Variants in C22orf23 observed in about 807,000 individuals in gnomAD.
C22orf23 encodes chromosome 22 open reading frame 23.
In C22orf23, 30 loss-of-function variants were observed where a neutral mutation model predicts 29.7. The observed-to-expected ratio is 1.01, with a 90% confidence interval of 0.76 to 1.37. The LOEUF (loss-of-function observed/expected upper bound fraction) is 1.37, where lower values mean the gene tolerates loss of function less well. C22orf23 is among the 40% of genes most tolerant of loss of function. The pLI is 0.00. For missense variants in C22orf23, 237 were observed against 273.1 expected (o/e 0.87, Z 0.93); for synonymous variants, 90 against 96.1 (o/e 0.94, Z 0.37).
chr22:37,944,822 C>A, intron 5 of C22orf23: 2 of 588,080 alleles, frequency 3.4e-6, no homozygotes, highest in Non-Finnish European at 5.8e-6. Flanking sequence ...ATTGCTTGAA[C>A]CTGGGAAGTG....
In C22orf23 at chr22:37,951,797, C is replaced by CTTTTTTTTTTTTTTTTTTT. The variant is rs551481283; in HGVS notation, c.104-294_104-276dup. 7.7e-5 allele frequency: 3 copies of CTTTTTTTTTTTTTTTTTTT among 38,748 alleles called. 1 individual carries two copies. Among genetic ancestry groups the CTTTTTTTTTTTTTTTTTTT allele is most frequent in the South Asian group, 2.4e-3 (2 of 842 alleles). 2.4% of individuals were successfully genotyped at this position (38,748 alleles called of 1,614,324 possible). A position where few individuals can be genotyped will look rare whatever the true frequency, so the allele number is the denominator to read the frequency against. ...CTGTTAAATATTTTTTCCTCTTTCT[C>CTTTTTTTTTTTTTTTTTTT]TTTTTTTTTTTTTTTTTTTTTTTTT... On this transcript the variant is annotated intron_variant, in intron 2 of 6. Coordinates refer to ENST00000403305, the MANE Select transcript of C22orf23 (RefSeq NM_032561.5).
In C22orf23 at chr22:37,944,109, C is replaced by T. The variant is rs532715503; in HGVS notation, c.*66G>A. On this transcript the variant is annotated 3_prime_UTR_variant, in exon 7 of 7. Coordinates refer to ENST00000403305, the MANE Select transcript of C22orf23 (RefSeq NM_032561.5). ...AGGATGGGCTGGCCTGAGGATGGCC[C>T]TGCCTGGCAGAGGAGTGGACTCCAG... The T allele has an allele frequency of 6.8e-7, 1 of 1,477,796 alleles. No individual in the cohort carries two copies. Among genetic ancestry groups the T allele is most frequent in the East Asian group, 2.3e-5 (1 of 44,184 alleles). The allele number at this position is 1,477,796 out of a possible 1,614,324, so 91.5% of individuals were successfully genotyped here.
chr22:37,953,651 C>T (rs1457101805), upstream of C22orf23: 2 of 1,081,266 alleles, frequency 1.8e-6, no homozygotes, highest in East Asian at 2.6e-5. Flanking sequence ...CCGCTCTGTC[C>T]TGCCTCCCGG....
rs1157142691 is a variant in C22orf23, at chr22:37,943,382, T to G, written c.*793A>C. 1 of 152,196 alleles carries G rather than the reference T, an allele frequency of 6.6e-6. No homozygotes were observed. Among genetic ancestry groups the G allele is most frequent in the Non-Finnish European group, 1.5e-5 (1 of 68,044 alleles). 9.4% of individuals were successfully genotyped at this position (152,196 alleles called of 1,614,324 possible). On this transcript the variant is annotated 3_prime_UTR_variant, in exon 7 of 7. Transcript: ENST00000403305. ...GCCAGGGCTCTAGGTCGCTCCCACC[T>G]TTTCATGTTTCTTTCTGTGGCCATG...
At chr22:37,946,953 G>A (rs1601848646) in intron 4 of C22orf23, among the ~76,000 whole-genome samples, 1 of 151,606 alleles carries the variant, frequency 6.6e-6, no homozygotes, top group East Asian at 1.9e-4. Flanking sequence ...GGGCCTCGGC[G>A]ATGCCTGTAG....
chr22:37,944,938 G>T, intron 5 of C22orf23, 104 bp downstream of exon 5: 1 of 1,111,052 alleles, frequency 9.0e-7, no homozygotes, highest in African/African-American at 1.6e-5. Flanking sequence ...TTTCTCACTT[G>T]TTGGCCCTTG....
intron 4 of C22orf23, among the ~76,000 whole-genome samples, chr22:37,945,810 TAAA>T (rs1169265242): frequency 1.4e-4 from 11 of 80,830 alleles, no homozygotes; most frequent in African/African-American, 4.5e-4. Context: ...ATCCTATCTC[TAAA>T]AAAAAAAAAA....
At chr22:37,951,423 C>A (rs760643124) in intron 3 of C22orf23, 37 bp downstream of exon 3, 1 of 1,572,242 alleles carries the variant, frequency 6.4e-7, no homozygotes, top group Non-Finnish European at 8.7e-7. Flanking sequence ...GGCCCCAGAT[C>A]CCTCTGTCCA....
chr22:37,953,303 C>T (rs1337056376), intron 1 of C22orf23, 145 bp from the exon 2 acceptor site: 1 of 614,760 alleles, frequency 1.6e-6, no homozygotes, highest in Admixed American at 2.9e-5. Flanking sequence ...GTGCCCAAAC[C>T]TCCCATCCAG....
chr22:37,947,511 T>TC, intron 3 of C22orf23, 48 bp from the exon 4 acceptor site: 1 of 1,387,500 alleles, frequency 7.2e-7, no homozygotes, highest in East Asian at 2.6e-5. Flanking sequence ...GCTTTTTTTT[T>TC]TTTTTTTTTT....
chr22:37,943,883 C>G lies in C22orf23; in HGVS notation c.*292G>C. The G allele has an allele frequency of 2.0e-6, 1 of 490,128 alleles. No individual in the cohort carries two copies. Among genetic ancestry groups the G allele is most frequent in the Non-Finnish European group, 3.7e-6 (1 of 270,352 alleles). 30.4% of individuals were successfully genotyped at this position (490,128 alleles called of 1,614,324 possible). A position where few individuals can be genotyped will look rare whatever the true frequency, so the allele number is the denominator to read the frequency against. On this transcript the variant is annotated 3_prime_UTR_variant, in exon 7 of 7. Transcript: ENST00000403305. ...AAAACTAAATGAACAGGCCACAGGTCAGAAGTGGTGGGAAGCAGGCCCAGT... is the reference window on the plus strand; with the variant it reads ...AAAACTAAATGAACAGGCCACAGGTGAGAAGTGGTGGGAAGCAGGCCCAGT...
chr22:37,945,743 A>G (rs1382786049), intron 4 of C22orf23, among the ~76,000 whole-genome samples: 1 of 143,784 alleles, frequency 7.0e-6, no homozygotes, highest in Non-Finnish European at 1.5e-5. Context: ...ACGATCTGCC[A>G]GCCTCGGCCT....
chr22:37,953,667 A>AT (rs1931217496), upstream of C22orf23: 1 of 1,251,216 alleles, frequency 8.0e-7, no homozygotes, highest in Non-Finnish European at 1.1e-6. Flanking sequence ...CCCGGAAGTG[A>AT]TTTCCTCTGG....
At chr22:37,944,565 C>T (rs111378350) in intron 5 of C22orf23, 48 bp from the exon 6 acceptor site, 73 of 1,523,254 alleles carry the variant, frequency 4.8e-5, no homozygotes, top group African/African-American at 2.5e-4. Flanking sequence ...ATGCAGGCAG[C>T]GGGTTGCCTC....
rs939363845 is a variant in C22orf23 at position 37,944,655 on chromosome 22, C to T, written c.482-138G>A. Reference sequence around the variant, plus strand: ...GTGGCTCACGCCTATAATCCCAGCACTTTGGGAGGCCAAGGCAGGTGGATC... The same window carrying T: ...GTGGCTCACGCCTATAATCCCAGCATTTTGGGAGGCCAAGGCAGGTGGATC... On this transcript the variant is annotated intron_variant, in intron 5 of 6. Coordinates refer to ENST00000403305, the MANE Select transcript of C22orf23 (RefSeq NM_032561.5). 7.4e-5 allele frequency: 52 copies of T among 700,302 alleles called. 1 individual carries two copies. The African/African-American group carries it at 9.1e-4, about 12-fold the overall frequency. The allele number at this position is 700,302 out of a possible 1,614,324, so 43.4% of individuals were successfully genotyped here. A position where few individuals can be genotyped will look rare whatever the true frequency, so the allele number is the denominator to read the frequency against.
upstream of C22orf23, chr22:37,953,665 T>A (rs1323709377): frequency 1.2e-5 from 14 of 1,206,216 alleles, no homozygotes; most frequent in Non-Finnish European, 1.5e-5. Flanking sequence ...CTCCCGGAAG[T>A]GATTTCCTCT....
intron 3 of C22orf23, among the ~76,000 whole-genome samples, chr22:37,950,698 A>T (rs1189790746): frequency 6.6e-6 from 1 of 151,848 alleles, no homozygotes; most frequent in Admixed American, 6.6e-5. Context: ...CGAGGTCAGG[A>T]GTTCGAGACC....
chr22:37,947,456 A>G lies in C22orf23; in HGVS notation c.174T>C (p.Asp58=), dbSNP rs890575444. The change falls in exon 4 of 7, where the codon GAT becomes GAC. Residue 58 remains aspartate (D), a synonymous_variant. Coordinates refer to ENST00000403305, the MANE Select transcript of C22orf23 (RefSeq NM_032561.5). ...TTGGGCTGCACTGTAGGGGCAAAGCATCTCCTCCTGGGGAACGAAGAGTTG... is the reference window on the plus strand; with the variant it reads ...TTGGGCTGCACTGTAGGGGCAAAGCGTCTCCTCCTGGGGAACGAAGAGTTG... ...RHIMDIMKRG[D]ALPLQCSPTS... is the part of the protein sequence containing the mutation. 2.6e-6 allele frequency: 4 copies of G among 1,557,020 alleles called. No individual in the cohort carries two copies. The highest frequency in any genetic ancestry group is 2.3e-5 in the South Asian group (2 of 85,522).
At position 37,944,622 on chromosome 22, in the gene C22orf23, C is replaced by G. The variant is rs571572959; in HGVS notation, c.482-105G>C. The stretch of plus-strand genomic sequence containing the variant: ...CTATTGTCAAATAGTGTTTCTAGGC[C>G]GGGCGCGGTGGCTCACGCCTATAAT... On this transcript the variant is annotated intron_variant, in intron 5 of 6. Transcript: ENST00000403305. The G allele has an allele frequency of 1.6e-5, 16 of 1,023,690 alleles. No homozygotes were observed. The Middle Eastern group carries it at 2.8e-3, about 181-fold the overall frequency. The allele number at this position is 1,023,690 out of a possible 1,614,324, so 63.4% of individuals were successfully genotyped here.
Sources: gnomAD v4.1 joint callset for allele counts (sites outside exome capture counted in the v4.1 genomes callset) on GRCh38, gnomAD v4.1.1 for gene constraint, MANE v1.5 for transcripts, NCBI Gene and HGNC (gene_info 2026-07-23, HGNC 2026-07-21) for gene names.